The following RNF187 variants were observed in gnomAD, a reference collection of about 807,000 sequenced individuals.
The protein encoded by RNF187 is E3 ubiquitin-protein ligase RNF187.
Under a neutral mutation model 22.2 loss-of-function variants are expected in RNF187, and 18 were observed. The observed-to-expected ratio is 0.81, with a 90% CI of 0.56 to 1.20. The LOEUF is 1.20. Among genes scored for constraint, RNF187 ranks in the 50% most tolerant of loss-of-function variants. The probability of loss-of-function intolerance (pLI) is 0.00; values close to 1 mark genes in which losing one functional copy is unlikely to be tolerated. For synonymous variants in RNF187, 164 were observed against 140.9 expected (o/e 1.16, Z -1.16); for missense variants, 329 against 317.6 (o/e 1.04, Z -0.27).
At chr1:228,491,909 G>A in intron 2 of RNF187, among the ~76,000 whole-genome samples, 2 of 152,172 alleles carry the variant, frequency 1.3e-5, no homozygotes, top group African/African-American at 2.4e-5. Context: ...GTTTTCACAA[G>A]GTCTGTACCA....
At chr1:228,491,157 G>A in intron 2 of RNF187, among the ~76,000 whole-genome samples, 3 of 152,124 alleles carry the variant, frequency 2.0e-5, no homozygotes, top group Non-Finnish European at 4.4e-5. Flanking sequence ...GGAGGCTGAG[G>A]TGTAGGAGGA....
At position 228,494,520 on chromosome 1, in the gene RNF187, C is replaced by A; in HGVS notation, c.*635C>A. The A allele has an allele frequency of 1.0e-6, 1 of 986,300 alleles. No homozygotes were observed. Among genetic ancestry groups the A allele is most frequent in the Non-Finnish European group, 1.2e-6 (1 of 830,572 alleles). 61.1% of individuals were successfully genotyped at this position (986,300 alleles called of 1,614,324 possible). ...CCCCACTCCTGTGCCTCCCAGGAGC[C>A]CTCCCTGTGCTCCACCTGCCTCCGC... On this transcript the variant is annotated 3_prime_UTR_variant, in exon 4 of 4. Coordinates refer to ENST00000305943, the MANE Select transcript of RNF187 (RefSeq NM_001010858.3).
chr1:228,494,410 G>C lies in RNF187; in HGVS notation c.*525G>C. 3 of 1,000,890 alleles carry C rather than the reference G, an allele frequency of 3.0e-6. No homozygotes were observed. Among genetic ancestry groups the C allele is most frequent in the Admixed American group, 1.1e-4 (2 of 18,578 alleles). The allele number at this position is 1,000,890 out of a possible 1,614,324, so 62.0% of individuals were successfully genotyped here. On this transcript the variant is annotated 3_prime_UTR_variant, in exon 4 of 4. Transcript: ENST00000305943. Reference sequence around the variant, plus strand: ...GGATTGCACCTTGATGCCTCCTGAGGAGGCGGCCCCCCTCTTGAGGTGGGC... The same window carrying C: ...GGATTGCACCTTGATGCCTCCTGAGCAGGCGGCCCCCCTCTTGAGGTGGGC...
Position 228,495,531 on chromosome 1 carries a change from C to T in RNF187, c.*1646C>T. The T allele has an allele frequency of 6.1e-6, 6 of 985,494 alleles. No individual in the cohort carries two copies. The highest frequency in any genetic ancestry group is 7.2e-6 in the Non-Finnish European group (6 of 829,976). 61.0% of individuals were successfully genotyped at this position (985,494 alleles called of 1,614,324 possible). A position where few individuals can be genotyped will look rare whatever the true frequency, so the allele number is the denominator to read the frequency against. On this transcript the variant is annotated 3_prime_UTR_variant, in exon 4 of 4. Transcript: ENST00000305943. ...CTCCAGTTTGTCTTTCTCACTGTCT[C>T]CGCCTGCTGCAGTCTGCTGTCATCC...
chr1:228,491,620 A>G, intron 2 of RNF187, among the ~76,000 whole-genome samples: 2 of 151,744 alleles, frequency 1.3e-5, no homozygotes, highest in Non-Finnish European at 2.9e-5. Flanking sequence ...TTGTATTTTT[A>G]GTGGAGATGG....
At chr1:228,491,387 CAAAAAAAAAA>C in intron 2 of RNF187, among the ~76,000 whole-genome samples, 14 of 75,560 alleles carry the variant, frequency 1.9e-4, no homozygotes, top group Admixed American at 3.6e-4. Flanking sequence ...GGCCCTATCT[CAAAAAAAAAA>C]AAAAAAAAAA....
At chr1:228,489,158 C>CTGGT in intron 2 of RNF187, 106 bp downstream of exon 2, 2 of 894,640 alleles carry the variant, frequency 2.2e-6, no homozygotes, top group Non-Finnish European at 3.4e-6. Flanking sequence ...AACTGCTCAG[C>CTGGT]TGGTTGGTTG....
At chr1:228,488,034 CG>C in intron 1 of RNF187, among the ~76,000 whole-genome samples, 156 bp downstream of exon 1, 1 of 150,326 alleles carries the variant, frequency 6.7e-6, no homozygotes, top group South Asian at 2.1e-4. Flanking sequence ...CTCACCGCCA[CG>C]GGTCCCCTCT....
chr1:228,494,730 A>G lies in RNF187; in HGVS notation c.*845A>G. On this transcript the variant is annotated 3_prime_UTR_variant, in exon 4 of 4. Coordinates refer to ENST00000305943, the MANE Select transcript of RNF187 (RefSeq NM_001010858.3). ...TAGCAGTAGCTCAGTTGCCTGCAGC[A>G]TCCTTGTGTGTAGATAAATTAGTCG... 9 of 985,520 alleles carry G rather than the reference A, an allele frequency of 9.1e-6. No homozygotes were observed. The highest frequency in any genetic ancestry group is 1.1e-5 in the Non-Finnish European group (9 of 830,000). The allele number at this position is 985,520 out of a possible 1,614,324, so 61.0% of individuals were successfully genotyped here.
At chr1:228,489,125 A>C in intron 2 of RNF187, 73 bp downstream of exon 2, 2 of 1,302,452 alleles carry the variant, frequency 1.5e-6, no homozygotes, top group African/African-American at 2.9e-5. Context: ...AGGGACCACC[A>C]GGCCAAGTGG....
Position 228,495,187 on chromosome 1 carries a change from G to A in RNF187, c.*1302G>A. 3.2e-6 allele frequency: 1 copy of A among 313,740 alleles called. No homozygotes were observed. Among genetic ancestry groups the A allele is most frequent in the African/African-American group, 2.2e-5 (1 of 44,470 alleles). The allele number at this position is 313,740 out of a possible 1,614,324, so 19.4% of individuals were successfully genotyped here. A position where few individuals can be genotyped will look rare whatever the true frequency, so the allele number is the denominator to read the frequency against. ...AGGGCAGGGGTTGGAGGAGCGAGGAGCAGTATAGGGTCCATGGGTGGGAAT... is the reference window on the plus strand; with the variant it reads ...AGGGCAGGGGTTGGAGGAGCGAGGAACAGTATAGGGTCCATGGGTGGGAAT... On this transcript the variant is annotated 3_prime_UTR_variant, in exon 4 of 4. Coordinates refer to ENST00000305943, the MANE Select transcript of RNF187 (RefSeq NM_001010858.3).
chr1:228,495,334 G>T lies in RNF187; in HGVS notation c.*1449G>T. The T allele has an allele frequency of 3.0e-6, 1 of 338,736 alleles. No individual in the cohort carries two copies. Among genetic ancestry groups the T allele is most frequent in the Non-Finnish European group, 4.2e-6 (1 of 238,988 alleles). The allele number at this position is 338,736 out of a possible 1,614,324, so 21.0% of individuals were successfully genotyped here. On this transcript the variant is annotated 3_prime_UTR_variant, in exon 4 of 4. Coordinates refer to ENST00000305943, the MANE Select transcript of RNF187 (RefSeq NM_001010858.3). ...AACGGTCAGAGAGGAACCCAGTCAG[G>T]TACCATTGAGGGTGGTCAGATATTA...
intron 2 of RNF187, among the ~76,000 whole-genome samples, chr1:228,491,735 C>T: frequency 6.6e-6 from 1 of 152,064 alleles, no homozygotes; most frequent in Non-Finnish European, 1.5e-5. Flanking sequence ...CCACCGTGTC[C>T]AGCCAGGCAT....
chr1:228,487,386 G>C lies in RNF187; in HGVS notation c.-103G>C. On this transcript the variant is annotated 5_prime_UTR_variant, in exon 1 of 4. Coordinates refer to ENST00000305943, the MANE Select transcript of RNF187 (RefSeq NM_001010858.3). ...CGCCCCGTGCGCGTCCCCGGCGTTGGCGTCTTCGTCCTGTTGCTGGTCTCC... is the reference window on the plus strand; with the variant it reads ...CGCCCCGTGCGCGTCCCCGGCGTTGCCGTCTTCGTCCTGTTGCTGGTCTCC... The C allele has an allele frequency of 2.0e-6, 2 of 1,011,476 alleles. No individual in the cohort carries two copies. The highest frequency in any genetic ancestry group is 1.8e-5 in the African/African-American group (1 of 54,816). 62.7% of individuals were successfully genotyped at this position (1,011,476 alleles called of 1,614,324 possible).
At position 228,495,913 on chromosome 1, in the gene RNF187, AC is replaced by A; in HGVS notation, c.*2033del. ...GTGCCTAAGGGGGATTGGTTCCAGG[AC>A]CCCCTCATGGATACCAAAATCTGCA... On this transcript the variant is annotated 3_prime_UTR_variant, in exon 4 of 4. Transcript: ENST00000305943. The A allele has an allele frequency of 3.0e-6, 1 of 337,336 alleles. No individual in the cohort carries two copies. Among genetic ancestry groups the A allele is most frequent in the Non-Finnish European group, 4.2e-6 (1 of 237,976 alleles). The allele number at this position is 337,336 out of a possible 1,614,324, so 20.9% of individuals were successfully genotyped here.
chr1:228,494,410 G>A lies in RNF187; in HGVS notation c.*525G>A. On this transcript the variant is annotated 3_prime_UTR_variant, in exon 4 of 4. Coordinates refer to ENST00000305943, the MANE Select transcript of RNF187 (RefSeq NM_001010858.3). ...GGATTGCACCTTGATGCCTCCTGAG[G>A]AGGCGGCCCCCCTCTTGAGGTGGGC... The A allele has an allele frequency of 2.6e-5, 26 of 1,000,890 alleles. No individual in the cohort carries two copies. Among genetic ancestry groups the A allele is most frequent in the Non-Finnish European group, 3.1e-5 (26 of 838,552 alleles). The allele number at this position is 1,000,890 out of a possible 1,614,324, so 62.0% of individuals were successfully genotyped here.
In RNF187 at chr1:228,487,897, C is replaced by T; in HGVS notation, c.390+19C>T. On this transcript the variant is annotated intron_variant, in intron 1 of 3. Transcript: ENST00000305943. ...CGGCAAGGTGCGCGCCGCGGGGTCC[C>T]GTGCCCCACCCCGGACGGTGCCCTG... is the stretch of plus-strand genomic sequence containing the variant. 2 of 1,202,196 alleles carry T rather than the reference C, an allele frequency of 1.7e-6. No individual in the cohort carries two copies. Among genetic ancestry groups the T allele is most frequent in the Non-Finnish European group, 2.1e-6 (2 of 965,334 alleles). 74.5% of individuals were successfully genotyped at this position (1,202,196 alleles called of 1,614,324 possible). A position where few individuals can be genotyped will look rare whatever the true frequency, so the allele number is the denominator to read the frequency against.
chr1:228,491,070 G>C, intron 2 of RNF187, among the ~76,000 whole-genome samples: 2 of 152,032 alleles, frequency 1.3e-5, no homozygotes, highest in African/African-American at 2.4e-5. Flanking sequence ...CCCAGGCTGG[G>C]CGGGAGAATT....
chr1:228,489,367 A>G, intron 2 of RNF187, among the ~76,000 whole-genome samples: 3 of 151,996 alleles, frequency 2.0e-5, no homozygotes, highest in African/African-American at 7.3e-5. Flanking sequence ...CTGAAGTGCA[A>G]TGGCATGATT....
Sources: allele counts gnomAD v4.1 joint callset (sites outside exome capture counted in the v4.1 genomes callset), GRCh38; gene constraint gnomAD v4.1.1; transcripts MANE v1.5; gene names NCBI Gene and HGNC (gene_info 2026-07-23, HGNC 2026-07-21).